The following PCDH11X variants were observed in gnomAD, a reference collection of about 807,000 sequenced individuals.
The protein encoded by PCDH11X is protocadherin 11 X-linked.
Under a neutral mutation model 53.3 loss-of-function variants are expected in PCDH11X, and 18 were observed. The ratio of observed to expected loss-of-function variants is 0.34; its 90% CI spans 0.23 to 0.50. PCDH11X has a LOEUF of 0.50. Ranked by LOEUF, PCDH11X falls within the 20% of genes least tolerant of loss-of-function variation. The pLI is 0.98. For missense variants in PCDH11X, 570 were observed against 1,032.4 expected, an observed-to-expected ratio of 0.55 and a Z score of 6.14; for synonymous variants, 279 against 393.3, an observed-to-expected ratio of 0.71 and a Z score of 3.44.
intron 10 of PCDH11X, among the ~76,000 whole-genome samples, chrX:92,542,482 A>G (rs1327897616): frequency 9.0e-6 from 1 of 110,939 alleles, no homozygotes; most frequent in Non-Finnish European, 1.9e-5. Context: ...ATGTCCATAA[A>G]TTAGAATAAA....
rs1345137708 is a variant in PCDH11X, at chrX:91,894,000, A to G, written c.3033+14727A>G. Among the ~76,000 whole-genome samples the G allele has an allele frequency of 7.1e-4, 79 of 111,688 alleles. 1 individual carries two copies. The highest frequency in any genetic ancestry group is 1.3e-4 in the Non-Finnish European group (7 of 53,092). Reference sequence around the variant, plus strand: ...GACATAAAAAGTCTTTCTAAATTATATGTAGGAAACATTCTGGGAAATTGG... The same window carrying G: ...GACATAAAAAGTCTTTCTAAATTATGTGTAGGAAACATTCTGGGAAATTGG... On this transcript the variant is annotated intron_variant, in intron 6 of 10. Coordinates refer to ENST00000682573, the MANE Select transcript of PCDH11X (RefSeq NM_032968.5).
chrX:92,057,114 T>C (rs1406615830), intron 6 of PCDH11X, among the ~76,000 whole-genome samples: 2 of 106,609 alleles, frequency 1.9e-5, no homozygotes, highest in Non-Finnish European at 3.9e-5. Flanking sequence ...TAGCCTATTA[T>C]GCAAAAATAA....
chrX:92,601,912 C>A (rs1374287331), intron 10 of PCDH11X, among the ~76,000 whole-genome samples: 1 of 111,656 alleles, frequency 9.0e-6, no homozygotes, highest in Non-Finnish European at 1.9e-5. Context: ...TAACTTCTAA[C>A]AGGTCTGTGT....
At chrX:92,612,299 G>A (rs1213813630) in intron 10 of PCDH11X, among the ~76,000 whole-genome samples, 5 of 109,800 alleles carry the variant, frequency 4.6e-5, no homozygotes, top group East Asian at 2.9e-4. Flanking sequence ...ATCTGTTCAC[G>A]GTTTCAATCC....
In PCDH11X at chrX:91,878,402, G is replaced by A. The variant is rs1276002955; in HGVS notation, c.2162G>A (p.Arg721Lys). ...TACAGCATTGTAGGAGGAAACACAA[G>A]AGATCTGTTTGCAATCGACCAAGAA... ...VRYSIVGGNTRDLFAIDQETG... is the reference protein window; with the variant it reads ...VRYSIVGGNTKDLFAIDQETG... The change falls in exon 6 of 11, where the codon AGA (arginine) becomes AAA (lysine). Residue 721 changes from arginine to lysine, a missense_variant. Arg to Lys is a conservative substitution (Grantham distance 26). This residue lies in a region of PCDH11X where 226 missense variants were observed against 457.5 expected (regional missense o/e 0.49). Coordinates refer to ENST00000682573, the MANE Select transcript of PCDH11X (RefSeq NM_032968.5). 2.5e-5 allele frequency: 30 copies of A among 1,200,726 alleles called. No individual in the cohort carries two copies. In the Admixed American group the frequency reaches 6.7e-4, roughly 27 times the overall value.
intron 1 of PCDH11X, among the ~76,000 whole-genome samples, chrX:91,804,925 A>G (rs1936049342): frequency 9.7e-6 from 1 of 102,921 alleles, no homozygotes; most frequent in Non-Finnish European, 2.0e-5. Flanking sequence ...ACTGGTAAAT[A>G]TAACCTATAG....
intron 6 of PCDH11X, among the ~76,000 whole-genome samples, chrX:92,146,726 C>T (rs763550309): frequency 4.5e-5 from 5 of 111,480 alleles, no homozygotes; most frequent in African/African-American, 9.8e-5. Context: ...TGGCCTAGTG[C>T]GGTGGCTTAC....
chrX:92,578,848 C>G (rs1923293618), intron 10 of PCDH11X, among the ~76,000 whole-genome samples: 1 of 108,411 alleles, frequency 9.2e-6, no homozygotes, highest in Non-Finnish European at 1.9e-5. Flanking sequence ...TTTCATTGGT[C>G]TGTGTACTTC....
intron 10 of PCDH11X, among the ~76,000 whole-genome samples, chrX:92,486,443 C>T (rs1276810969): frequency 2.7e-5 from 3 of 111,255 alleles, no homozygotes; most frequent in African/African-American, 9.8e-5. Flanking sequence ...CACAAATGCT[C>T]AATATATATT....
chrX:91,948,502 A>G lies in PCDH11X; in HGVS notation c.3033+69229A>G, dbSNP rs191072108. Among the ~76,000 whole-genome samples, 213 of 110,548 alleles carry G rather than the reference A, an allele frequency of 1.9e-3. 2 individuals are homozygous for G. Among genetic ancestry groups the G allele is most frequent in the Middle Eastern group, 9.5e-3 (2 of 211 alleles). On this transcript the variant is annotated intron_variant, in intron 6 of 10. Transcript: ENST00000682573. The stretch of plus-strand genomic sequence containing the variant: ...ATGTACCTTGGGTTTGGAATTCAAT[A>G]CAGTAGTTGTTATGGTTATACAGGC...
chrX:91,832,548 A>G (rs1229866964), intron 4 of PCDH11X, among the ~76,000 whole-genome samples: 4 of 104,235 alleles, frequency 3.8e-5, no homozygotes, highest in Non-Finnish European at 7.9e-5. Context: ...ATGTTAAATG[A>G]CGAGTTAATG....
intron 9 of PCDH11X, among the ~76,000 whole-genome samples, chrX:92,443,441 TAGTTTGCAA>T (rs1233006308): frequency 8.9e-6 from 1 of 111,932 alleles, no homozygotes; most frequent in Non-Finnish European, 1.9e-5. Flanking sequence ...GTGAGATGCA[TAGTTTGCAA>T]ATATTTTCTC....
At chrX:92,138,494 T>C (rs1332525091) in intron 6 of PCDH11X, among the ~76,000 whole-genome samples, 2 of 110,231 alleles carry the variant, frequency 1.8e-5, no homozygotes, top group Non-Finnish European at 3.8e-5. Flanking sequence ...TAAAATTAAA[T>C]ATAAACATAA....
intron 8 of PCDH11X, among the ~76,000 whole-genome samples, chrX:92,284,492 A>G (rs2068317778): frequency 8.9e-6 from 1 of 112,352 alleles, no homozygotes; most frequent in Non-Finnish European, 1.9e-5. Flanking sequence ...AAAAAACAAA[A>G]CAATATATTT....
chrX:92,244,739 C>T (rs4893174), intron 7 of PCDH11X, among the ~76,000 whole-genome samples: 5,975 of 111,050 alleles, frequency 0.054, 265 homozygotes, highest in East Asian at 0.22. Context: ...AACTTTCCCA[C>T]GGTCATAGAG....
intron 9 of PCDH11X, 90 bp downstream of exon 9, chrX:92,388,023 C>A: frequency 8.5e-7 from 1 of 1,180,287 alleles, no homozygotes; most frequent in Non-Finnish European, 1.1e-6. Flanking sequence ...TGGGCTAATT[C>A]ATTATGTTAT....
chrX:92,250,610 T>TATATATAA (rs1556304333), intron 7 of PCDH11X, among the ~76,000 whole-genome samples: 17 of 105,565 alleles, frequency 1.6e-4, no homozygotes, highest in African/African-American at 5.1e-4. Flanking sequence ...TATATATATA[T>TATATATAA]AAAATAATAT....
chrX:92,215,389 C>A (rs772711610), intron 7 of PCDH11X, among the ~76,000 whole-genome samples: 1 of 106,985 alleles, frequency 9.3e-6, no homozygotes, highest in East Asian at 3.0e-4. Context: ...AACAGCACAC[C>A]AGGAGATTAT....
intron 9 of PCDH11X, among the ~76,000 whole-genome samples, chrX:92,464,010 A>C (rs1301513552): frequency 2.7e-5 from 3 of 111,827 alleles, no homozygotes; most frequent in Non-Finnish European, 5.6e-5. Flanking sequence ...CTAAGGTTTT[A>C]GTTACCTCTA....
Sources: allele counts gnomAD v4.1 joint callset (sites outside exome capture counted in the v4.1 genomes callset), GRCh38; gene constraint gnomAD v4.1.1; regional missense constraint gnomAD v4.1.1; transcripts MANE v1.5; gene names NCBI Gene and HGNC (gene_info 2026-07-23, HGNC 2026-07-21).